GYG1: variants seen among roughly 807,000 people sequenced by gnomAD.
The protein encoded by GYG1 is glycogenin 1.
In GYG1, 44 loss-of-function variants were observed where a neutral mutation model predicts 41.9. That is an observed-to-expected ratio of 1.05 (90% CI 0.83 to 1.35). The LOEUF is 1.35. GYG1 is among the 40% of genes most tolerant of loss of function. The probability of loss-of-function intolerance (pLI) is 0.00; values close to 1 mark genes in which losing one functional copy is unlikely to be tolerated. For synonymous variants in GYG1, 141 were observed against 158.1 expected (o/e 0.89, Z 0.81); for missense variants, 429 against 418.9 (o/e 1.02, Z -0.21).
At position 149,026,874 on chromosome 3, in the gene GYG1, TATATGGGAGC is replaced by T; in HGVS notation, c.996_1005del (p.Tyr332Ter). On this transcript the variant is annotated frameshift_variant, in exon 8 of 8. Coordinates refer to ENST00000345003, the MANE Select transcript of GYG1 (RefSeq NM_004130.4). LOFTEE classifies it high-confidence loss of function. ...ACGATGGGAACAGGGCCAGGCTGAT[TATATGGGAGC>T]AGATTCCTTTGACAACATCAAGAGG... is the stretch of plus-strand genomic sequence containing the variant. 2 of 1,613,854 alleles carry T rather than the reference TATATGGGAGC, an allele frequency of 1.2e-6. No individual in the cohort carries two copies. Among genetic ancestry groups the T allele is most frequent in the Non-Finnish European group, 8.5e-7 (1 of 1,179,762 alleles).
At position 148,994,175 on chromosome 3, in the gene GYG1, C is replaced by G. The variant is rs1393722374; in HGVS notation, c.41C>G (p.Ala14Gly). The change falls in exon 2 of 8, where the codon GCC (alanine) becomes GGC (glycine). Residue 14 changes from alanine to glycine, a missense_variant. Ala to Gly is a moderately conservative substitution (Grantham distance 60). Transcript: ENST00000345003. ...QAFVTLTTND[A>G]YAKGALVLGS... ...TTTGTGACACTAACCACAAACGATG[C>G]CTACGCCAAAGGTGCCCTGGTCCTG... The G allele has an allele frequency of 1.6e-5, 26 of 1,613,624 alleles. No homozygotes were observed. The highest frequency in any genetic ancestry group is 2.2e-5 in the Non-Finnish European group (26 of 1,179,670).
chr3:149,024,748 C>T (rs1714561157), intron 6 of GYG1, among the ~76,000 whole-genome samples: 1 of 152,158 alleles, frequency 6.6e-6, no homozygotes, highest in Non-Finnish European at 1.5e-5. Context: ...TATGTTTGTA[C>T]TCCTATGATT....
intron 1 of GYG1, among the ~76,000 whole-genome samples, chr3:148,991,994 G>T (rs1712507408): frequency 1.3e-5 from 2 of 152,136 alleles, no homozygotes; most frequent in African/African-American, 4.8e-5. Flanking sequence ...TCCCCTGGGG[G>T]TTCCAGGCGG....
intron 5 of GYG1, among the ~76,000 whole-genome samples, chr3:149,014,929 T>C (rs1713933933): frequency 6.6e-6 from 1 of 151,912 alleles, no homozygotes; most frequent in Non-Finnish European, 1.5e-5. Context: ...CCCCAGACTG[T>C]ATTTATCACA....
intron 6 of GYG1, among the ~76,000 whole-genome samples, chr3:149,024,711 T>C (rs1027811693): frequency 1.3e-5 from 2 of 152,198 alleles, no homozygotes; most frequent in Non-Finnish European, 2.9e-5. Context: ...ATACAGTAAA[T>C]ACTTCTATAG....
chr3:149,011,843 G>T (rs376229574), intron 5 of GYG1, among the ~76,000 whole-genome samples: 20 of 152,292 alleles, frequency 1.3e-4, no homozygotes, highest in African/African-American at 4.6e-4. Context: ...GGGAAAGTTG[G>T]GAACAACTCC....
chr3:149,022,773 T>G lies in GYG1; in HGVS notation c.609-1280T>G, dbSNP rs537246126. Among the ~76,000 whole-genome samples, 3 of 151,994 alleles carry G rather than the reference T, an allele frequency of 2.0e-5. No homozygotes were observed. The East Asian group carries it at 5.8e-4, about 29-fold the overall frequency. On this transcript the variant is annotated intron_variant, in intron 5 of 7. Transcript: ENST00000345003. ...CCTCGCAAAGTGCTGGGATGACAGG[T>G]GTAAGCCACCGTACCCGGCCTGTTT...
chr3:149,021,742 G>A (rs1015305623), intron 5 of GYG1, among the ~76,000 whole-genome samples: 3 of 151,744 alleles, frequency 2.0e-5, no homozygotes, highest in African/African-American at 7.3e-5. Flanking sequence ...TCTGATGATA[G>A]CTTTTTAACC....
At chr3:148,998,960 A>G (rs1712953793) in intron 4 of GYG1, among the ~76,000 whole-genome samples, 1 of 152,206 alleles carries the variant, frequency 6.6e-6, no homozygotes, top group African/African-American at 2.4e-5. Flanking sequence ...TCTAAAGTAT[A>G]TCTTGTGGCC....
intron 5 of GYG1, among the ~76,000 whole-genome samples, chr3:149,013,300 G>GTT (rs748558448): frequency 2.9e-4 from 44 of 152,128 alleles, no homozygotes; most frequent in South Asian, 1.0e-3. Context: ...ATATAGTATG[G>GTT]TTTGTGCATA....
At chr3:149,009,019 CGTG>C in intron 4 of GYG1, 1 of 392,890 alleles carries the variant, frequency 2.5e-6, no homozygotes, top group Non-Finnish European at 4.7e-6. Context: ...AATTGCCTGA[CGTG>C]GTGGCATGCA....
intron 4 of GYG1, among the ~76,000 whole-genome samples, chr3:148,998,702 T>G (rs1712940227): frequency 1.3e-5 from 2 of 152,254 alleles, no homozygotes. Flanking sequence ...GCTATTTTCC[T>G]TTCATAGAAG....
In GYG1 at chr3:149,027,382, T is replaced by TA; in HGVS notation, c.*451dup. 1 of 189,304 alleles carries TA rather than the reference T, an allele frequency of 5.3e-6. No homozygotes were observed. The highest frequency in any genetic ancestry group is 1.1e-4 in the South Asian group (1 of 9,304). 11.7% of individuals were successfully genotyped at this position (189,304 alleles called of 1,614,324 possible). The stretch of plus-strand genomic sequence containing the variant: ...CCAGTGCTGCCAGAGTGAGTGAGTG[T>TA]AATTCTCCTTTCAGGTAAAGATAGG... On this transcript the variant is annotated 3_prime_UTR_variant, in exon 8 of 8. Coordinates refer to ENST00000345003, the MANE Select transcript of GYG1 (RefSeq NM_004130.4).
intron 5 of GYG1, among the ~76,000 whole-genome samples, chr3:149,010,085 A>G (rs1215683786): frequency 1.3e-5 from 2 of 152,222 alleles, no homozygotes. Flanking sequence ...GAAGCAATAT[A>G]GTGTTCAGAG....
intron 5 of GYG1, among the ~76,000 whole-genome samples, chr3:149,014,870 A>G (rs1482247982): frequency 8.6e-6 from 1 of 116,086 alleles, no homozygotes; most frequent in Non-Finnish European, 1.7e-5. Flanking sequence ...TCTGTCTCAA[A>G]AAAAAAAAAA....
intron 1 of GYG1, among the ~76,000 whole-genome samples, chr3:148,993,430 A>T (rs1480976189): frequency 1.3e-5 from 2 of 152,088 alleles, no homozygotes; most frequent in African/African-American, 4.8e-5. Flanking sequence ...ATTGATAACT[A>T]TTTAGATAGA....
chr3:149,012,453 A>T (rs1713787938), intron 5 of GYG1, among the ~76,000 whole-genome samples: 1 of 152,188 alleles, frequency 6.6e-6, no homozygotes, highest in Non-Finnish European at 1.5e-5. Flanking sequence ...ATGCACTAGG[A>T]TGTCCCCAAA....
intron 5 of GYG1, among the ~76,000 whole-genome samples, chr3:149,015,804 T>C (rs560585325): frequency 6.6e-5 from 10 of 152,036 alleles, no homozygotes; most frequent in Non-Finnish European, 1.5e-4. Context: ...CGGTGGTGAT[T>C]GTTGTGTAAA....
At chr3:149,015,988 C>T (rs564290476) in intron 5 of GYG1, among the ~76,000 whole-genome samples, 5 of 152,094 alleles carry the variant, frequency 3.3e-5, no homozygotes, top group South Asian at 2.1e-4. Flanking sequence ...ACAGGCCGGG[C>T]GCAGTGGCTC....
Sources: allele counts gnomAD v4.1 joint callset (sites outside exome capture counted in the v4.1 genomes callset), GRCh38; gene constraint gnomAD v4.1.1; transcripts MANE v1.5; gene names NCBI Gene and HGNC (gene_info 2026-07-23, HGNC 2026-07-21).